Variants in FBXO10 observed in about 807,000 individuals in gnomAD.
The protein encoded by FBXO10 is F-box only protein 10.
A neutral mutation model predicts 80.7 loss-of-function variants in FBXO10; 39 were observed. That is an observed-to-expected ratio of 0.48 (90% CI 0.37 to 0.63). The LOEUF (loss-of-function observed/expected upper bound fraction) is 0.63. Ranked by LOEUF, FBXO10 falls within the 30% of genes least tolerant of loss-of-function variation. FBXO10 has a pLI of 0.00. For synonymous variants in FBXO10, 449 were observed against 489.6 expected, an observed-to-expected ratio of 0.92 and a Z score of 1.09; for missense variants, 1,025 against 1,269.0, an observed-to-expected ratio of 0.81 and a Z score of 2.92.
chr9:37,573,568 A>T (rs1244178839), intron 1 of FBXO10, among the ~76,000 whole-genome samples: 1 of 152,210 alleles, frequency 6.6e-6, no homozygotes, highest in Non-Finnish European at 1.5e-5. Context: ...GACTGCTCAG[A>T]CAATGCAGTT....
intron 1 of FBXO10, among the ~76,000 whole-genome samples, chr9:37,555,331 T>C (rs1431714204): frequency 2.0e-5 from 3 of 152,178 alleles, no homozygotes; most frequent in Non-Finnish European, 4.4e-5. Context: ...CATGTGATCA[T>C]TGGCCATTCA....
Position 37,537,209 on chromosome 9 carries a change from C to A in FBXO10, c.1320G>T (p.Gly440=). The part of the protein sequence containing the change: ...CLIRKCLFRD[G]KGGVFVCSHG... ...GGGAGCAGACGAAGACGCCTCCCTT[C>A]CCGTCCCGGAAGAGGCACTTGCGGA... Residue 440 remains glycine, a synonymous_variant, in exon 3 of 11, where the codon GGG becomes GGT. Coordinates refer to ENST00000432825, the MANE Select transcript of FBXO10 (RefSeq NM_012166.3). The A allele has an allele frequency of 6.2e-7, 1 of 1,613,948 alleles. No individual in the cohort carries two copies. The highest frequency in any genetic ancestry group is 8.5e-7 in the Non-Finnish European group (1 of 1,179,902).
intron 8 of FBXO10, among the ~76,000 whole-genome samples, chr9:37,519,428 G>A (rs1451214353): frequency 6.6e-6 from 1 of 150,758 alleles, no homozygotes; most frequent in Admixed American, 6.6e-5. Flanking sequence ...AGCCAGACCC[G>A]GGGGCGAGGA....
rs368665696 is a variant in FBXO10 at position 37,555,700 on chromosome 9, G to T, written c.-6-13926C>A. Among the ~76,000 whole-genome samples the T allele has an allele frequency of 2.0e-3, 297 of 145,632 alleles. 2 individuals carry two copies. The highest frequency in any genetic ancestry group is 7.1e-3 in the African/African-American group (278 of 38,994). ...CTGGTCCTTTTGTCTGTTTTTAATT[G>T]TTTTTTTTAATATATATTTAATTAT... On this transcript the variant is annotated intron_variant, in intron 1 of 10. Coordinates refer to ENST00000432825, the MANE Select transcript of FBXO10 (RefSeq NM_012166.3).
intron 1 of FBXO10, among the ~76,000 whole-genome samples, chr9:37,574,067 C>T (rs896961874): frequency 3.3e-5 from 5 of 152,190 alleles, no homozygotes; most frequent in African/African-American, 1.2e-4. Flanking sequence ...CAAGTGATGT[C>T]TTCTTGGTTG....
chr9:37,551,559 G>C (rs573810993), intron 1 of FBXO10, among the ~76,000 whole-genome samples: 5 of 152,338 alleles, frequency 3.3e-5, no homozygotes, highest in African/African-American at 1.2e-4. Flanking sequence ...GGGCCTGCTT[G>C]AGCCACAGGT....
intron 1 of FBXO10, among the ~76,000 whole-genome samples, chr9:37,547,782 C>T (rs1008815591): frequency 6.6e-6 from 1 of 152,018 alleles, no homozygotes; most frequent in African/African-American, 2.4e-5. Context: ...ATAGCAAGAC[C>T]CCGTCTCTAC....
intron 5 of FBXO10, among the ~76,000 whole-genome samples, chr9:37,526,821 TTTTATTTATTTATTTA>T (rs57803639): frequency 9.3e-4 from 130 of 139,794 alleles, no homozygotes; most frequent in African/African-American, 1.7e-3. Flanking sequence ...TTTTAAAATA[TTTTATTTATTTATTTA>T]TTTATTTATT....
At chr9:37,520,943 G>A (rs1456348384) in intron 8 of FBXO10, among the ~76,000 whole-genome samples, 12 of 152,080 alleles carry the variant, frequency 7.9e-5, no homozygotes, top group Admixed American at 1.3e-4. Flanking sequence ...AAATACAGTC[G>A]CGAGGCCTCA....
At chr9:37,523,199 C>G (rs919838288) in intron 6 of FBXO10, among the ~76,000 whole-genome samples, 1 of 82,898 alleles carries the variant, frequency 1.2e-5, no homozygotes, top group Non-Finnish European at 2.3e-5. Context: ...CTTGTGCACT[C>G]CTATCTCCCC....
At chr9:37,543,331 C>T (rs1274034580) in intron 1 of FBXO10, among the ~76,000 whole-genome samples, 1 of 152,146 alleles carries the variant, frequency 6.6e-6, no homozygotes, top group Admixed American at 6.5e-5. Flanking sequence ...TGATTGGACT[C>T]TGGATGGTTC....
At chr9:37,570,315 G>A (rs1222261017) in intron 1 of FBXO10, among the ~76,000 whole-genome samples, 9 of 148,930 alleles carry the variant, frequency 6.0e-5, no homozygotes, top group African/African-American at 2.3e-4. Flanking sequence ...AGTCTGTCTC[G>A]GAAAAAAAAA....
intron 1 of FBXO10, among the ~76,000 whole-genome samples, chr9:37,555,931 A>G (rs545833201): frequency 1.3e-5 from 2 of 152,256 alleles, no homozygotes; most frequent in Admixed American, 1.3e-4. Context: ...TCATGGATAT[A>G]ATCTCTTGTC....
At chr9:37,542,945 C>G (rs564161347) in intron 1 of FBXO10, among the ~76,000 whole-genome samples, 2 of 152,146 alleles carry the variant, frequency 1.3e-5, no homozygotes, top group Non-Finnish European at 2.9e-5. Flanking sequence ...CTCTGGATCC[C>G]CTACACTCTC....
At chr9:37,521,187 T>C (rs1210871767) in intron 8 of FBXO10, among the ~76,000 whole-genome samples, 1 of 152,154 alleles carries the variant, frequency 6.6e-6, no homozygotes, top group East Asian at 1.9e-4. Flanking sequence ...TGAGGGCAAG[T>C]TGGGATCAGT....
chr9:37,574,949 A>G (rs1316967372), intron 1 of FBXO10, among the ~76,000 whole-genome samples: 1 of 152,168 alleles, frequency 6.6e-6, no homozygotes, highest in Non-Finnish European at 1.5e-5. Flanking sequence ...GAACTGAGGG[A>G]AAGCACAGTG....
In FBXO10 at chr9:37,512,549, A is replaced by G; in HGVS notation, c.2869T>C (p.Ter957ArgextTer80). The change falls in exon 11 of 11, where the codon TGA (stop) becomes CGA (arginine). Residue 957 changes from the stop codon to arginine, a stop_lost. Transcript: ENST00000432825. ...GGCCCTGAAGCAGGTCTGTGTCCTCACAGGATGGTGCAGAAGACACTGCGG... is the reference window on the plus strand; with the variant it reads ...GGCCCTGAAGCAGGTCTGTGTCCTCGCAGGATGGTGCAGAAGACACTGCGG... ...SNRSVFCTIL[*>R] 6.2e-7 allele frequency: 1 copy of G among 1,613,148 alleles called. No individual in the cohort carries two copies. The highest frequency in any genetic ancestry group is 8.5e-7 in the Non-Finnish European group (1 of 1,179,332).
chr9:37,539,504 A>T (rs1821861825), intron 2 of FBXO10, among the ~76,000 whole-genome samples: 1 of 152,248 alleles, frequency 6.6e-6, no homozygotes, highest in African/African-American at 2.4e-5. Flanking sequence ...GCCAGGCCTC[A>T]TCCCTTGAGG....
intron 6 of FBXO10, among the ~76,000 whole-genome samples, chr9:37,523,215 C>G (rs570072402): frequency 0.017 from 11 of 648 alleles, 1 homozygote; most frequent in East Asian, 0.5. Context: ...TCCCCGGCAC[C>G]TACTATACAC....
Sources: gnomAD v4.1 joint callset for allele counts (sites outside exome capture counted in the v4.1 genomes callset) on GRCh38, gnomAD v4.1.1 for gene constraint, MANE v1.5 for transcripts, NCBI Gene and HGNC (gene_info 2026-07-23, HGNC 2026-07-21) for gene names.